The following C1orf21 variants were observed in gnomAD, a reference collection of about 807,000 sequenced individuals.
C1orf21 encodes uncharacterized protein C1orf21.
A neutral mutation model predicts 18.7 loss-of-function variants in C1orf21; 3 were observed. The ratio of observed to expected loss-of-function variants is 0.16; its 90% CI spans 0.07 to 0.42. The LOEUF is 0.42. Ranked by LOEUF, C1orf21 falls within the 10% of genes least tolerant of loss-of-function variation. The pLI is 0.99. For synonymous variants in C1orf21, 41 were observed against 46.4 expected (o/e 0.88, Z 0.47); for missense variants, 104 against 143.6 (o/e 0.72, Z 1.41).
intron 1 of C1orf21, among the ~76,000 whole-genome samples, chr1:184,453,643 A>T (rs976204201): frequency 6.6e-6 from 1 of 150,464 alleles, no homozygotes; most frequent in African/African-American, 2.5e-5. Context: ...ATCTCTGAAG[A>T]TATCTAGACC....
In C1orf21 at chr1:184,619,763, G is replaced by A. The variant is rs536886164; in HGVS notation, c.*207G>A. 17 of 456,432 alleles carry A rather than the reference G, an allele frequency of 3.7e-5. No individual in the cohort carries two copies. In the East Asian group the frequency reaches 4.1e-4, roughly 11 times the overall value. 28.3% of individuals were successfully genotyped at this position (456,432 alleles called of 1,614,324 possible). Reference sequence around the variant, plus strand: ...AAAACAAACAAAAAAAACTGTTATCGAACTTTCTTTGTTGCTGCTAGTTAA... The same window carrying A: ...AAAACAAACAAAAAAAACTGTTATCAAACTTTCTTTGTTGCTGCTAGTTAA... On this transcript the variant is annotated 3_prime_UTR_variant, in exon 6 of 6. Transcript: ENST00000235307.
intron 5 of C1orf21, among the ~76,000 whole-genome samples, chr1:184,606,640 T>A (rs1465642431): frequency 5.9e-5 from 9 of 151,594 alleles, no homozygotes; most frequent in Middle Eastern, 3.2e-3. Context: ...ACAAAAAAAA[T>A]TTAGGAAAGG....
At chr1:184,552,295 GAAGAAT>G (rs796838310) in intron 3 of C1orf21, among the ~76,000 whole-genome samples, 3 of 152,316 alleles carry the variant, frequency 2.0e-5, no homozygotes, top group African/African-American at 2.4e-5. Context: ...AAGGAAGGTA[GAAGAAT>G]AACCTTATAG....
chr1:184,567,031 G>A (rs1023633571), intron 3 of C1orf21: 8 of 515,210 alleles, frequency 1.6e-5, no homozygotes, highest in South Asian at 2.9e-5. Context: ...GAAGAGACGG[G>A]AACATTGTCT....
chr1:184,493,731 T>A (rs1657850051), intron 2 of C1orf21, among the ~76,000 whole-genome samples: 1 of 152,236 alleles, frequency 6.6e-6, no homozygotes, highest in South Asian at 2.1e-4. Context: ...AACCTTTTAG[T>A]CTTCATTGCC....
intron 1 of C1orf21, among the ~76,000 whole-genome samples, chr1:184,458,105 C>T (rs1039600397): frequency 7.9e-5 from 12 of 152,124 alleles, no homozygotes; most frequent in Non-Finnish European, 1.3e-4. Flanking sequence ...CAATCTGACT[C>T]CAAAGCCTAC....
chr1:184,521,183 C>T (rs565629824), intron 3 of C1orf21, among the ~76,000 whole-genome samples: 1 of 152,238 alleles, frequency 6.6e-6, no homozygotes, highest in Admixed American at 6.5e-5. Context: ...CTCACTGCAC[C>T]CGGCCAATAT....
chr1:184,510,999 A>G (rs1486863930), intron 3 of C1orf21, among the ~76,000 whole-genome samples: 1 of 152,178 alleles, frequency 6.6e-6, no homozygotes, highest in Non-Finnish European at 1.5e-5. Flanking sequence ...CTCATTAGAT[A>G]TTAAAGAAGA....
At chr1:184,445,121 A>G (rs1005256991) in intron 1 of C1orf21, among the ~76,000 whole-genome samples, 1 of 152,182 alleles carries the variant, frequency 6.6e-6, no homozygotes, top group Admixed American at 6.5e-5. Flanking sequence ...AAGCTTCATG[A>G]AAAACTTAAT....
chr1:184,512,348 T>C (rs1224082786), intron 3 of C1orf21, among the ~76,000 whole-genome samples: 1 of 152,198 alleles, frequency 6.6e-6, no homozygotes, highest in Admixed American at 6.5e-5. Context: ...TATAGTTAAG[T>C]GTCTAGCACC....
At chr1:184,429,396 A>T (rs1656696001) in intron 1 of C1orf21, among the ~76,000 whole-genome samples, 4 of 152,208 alleles carry the variant, frequency 2.6e-5, no homozygotes. Context: ...CAAATGACAT[A>T]ATTTTTTTCT....
chr1:184,594,613 G>T (rs563466308), intron 4 of C1orf21, among the ~76,000 whole-genome samples: 15 of 152,298 alleles, frequency 9.8e-5, no homozygotes, highest in African/African-American at 1.7e-4. Context: ...TGTCTCTGGT[G>T]ATAAGAATGT....
chr1:184,459,110 C>G (rs1657264628), intron 1 of C1orf21, among the ~76,000 whole-genome samples: 1 of 152,166 alleles, frequency 6.6e-6, no homozygotes, highest in Non-Finnish European at 1.5e-5. Context: ...CTGGGGAACA[C>G]TGACATTATA....
At position 184,451,462 on chromosome 1, in the gene C1orf21, A is replaced by ATTTTT. The variant is rs374550435; in HGVS notation, c.-124-25905_-124-25901dup. On this transcript the variant is annotated intron_variant, in intron 1 of 5. Coordinates refer to ENST00000235307, the MANE Select transcript of C1orf21 (RefSeq NM_030806.4). ...TACACCATCATGCCTGGCTAATTTA[A>ATTTTT]TTTTTTTTTTTTTTTTTTTTTTTGG... 3.6e-3 allele frequency among the ~76,000 whole-genome samples: 281 copies of ATTTTT among 77,708 alleles called. 2 individuals carry two copies. The highest frequency in any genetic ancestry group is 0.011 in the African/African-American group (228 of 20,172). The allele number at this position is 77,708 out of a possible 152,430, so 51.0% of individuals were successfully genotyped here. A position where few individuals can be genotyped will look rare whatever the true frequency, so the allele number is the denominator to read the frequency against.
intron 3 of C1orf21, among the ~76,000 whole-genome samples, chr1:184,523,688 A>G (rs1253063136): frequency 6.6e-6 from 1 of 152,150 alleles, no homozygotes; most frequent in Non-Finnish European, 1.5e-5. Context: ...GGTATATGTA[A>G]ATTCTCTGTA....
At chr1:184,398,485 G>T (rs550477364) in intron 1 of C1orf21, among the ~76,000 whole-genome samples, 18 of 152,084 alleles carry the variant, frequency 1.2e-4, no homozygotes, top group Non-Finnish European at 1.9e-4. Context: ...TCATTTACTG[G>T]TTCTTTATGA....
rs368085327 is a variant in C1orf21 at position 184,620,001 on chromosome 1, G to A, written c.*445G>A. On this transcript the variant is annotated 3_prime_UTR_variant, in exon 6 of 6. Transcript: ENST00000235307. ...CCTCTCTCCTTCCTCCCCATCTCTCGCACGCAGTCTAGAGATGGACTGAGC... is the reference window on the plus strand; with the variant it reads ...CCTCTCTCCTTCCTCCCCATCTCTCACACGCAGTCTAGAGATGGACTGAGC... 6.7e-5 allele frequency: 11 copies of A among 164,980 alleles called. No homozygotes were observed. The East Asian group carries it at 1.5e-3, about 23-fold the overall frequency. 10.2% of individuals were successfully genotyped at this position (164,980 alleles called of 1,614,324 possible). A position where few individuals can be genotyped will look rare whatever the true frequency, so the allele number is the denominator to read the frequency against.
chr1:184,410,661 A>ATTTTT (rs1324215272), intron 1 of C1orf21, among the ~76,000 whole-genome samples: 19 of 6,148 alleles, frequency 3.1e-3, no homozygotes, highest in Non-Finnish European at 4.3e-3. Flanking sequence ...ATATATATAT[A>ATTTTT]TATTTTTTTT....
chr1:184,601,974 G>A (rs1453866032), intron 5 of C1orf21, among the ~76,000 whole-genome samples: 1 of 152,122 alleles, frequency 6.6e-6, no homozygotes, highest in South Asian at 2.1e-4. Flanking sequence ...GCTAGTTACT[G>A]AGGATACAAA....
Sources: gnomAD v4.1 joint callset for allele counts (sites outside exome capture counted in the v4.1 genomes callset) on GRCh38, gnomAD v4.1.1 for gene constraint, MANE v1.5 for transcripts, NCBI Gene and HGNC (gene_info 2026-07-23, HGNC 2026-07-21) for gene names.